The following MGMT variants were observed in gnomAD, a reference collection of about 807,000 sequenced individuals.
MGMT encodes methylated-DNA--protein-cysteine methyltransferase.
In MGMT, 14 loss-of-function variants were observed where a neutral mutation model predicts 15.9. The ratio of observed to expected loss-of-function variants is 0.88; its 90% CI spans 0.58 to 1.37. The LOEUF (loss-of-function observed/expected upper bound fraction) is 1.37, where lower values mean the gene tolerates loss of function less well. MGMT is among the 40% of genes most tolerant of loss of function. The probability of loss-of-function intolerance (pLI) is 0.00; values close to 1 mark genes in which losing one functional copy is unlikely to be tolerated. For synonymous variants in MGMT, 130 were observed against 118.2 expected, an observed-to-expected ratio of 1.10 and a Z score of -0.65; for missense variants, 282 against 268.1, an observed-to-expected ratio of 1.05 and a Z score of -0.36.
intron 2 of MGMT, chr10:129,536,711 T>C (rs1025581126): frequency 5.3e-6 from 1 of 188,340 alleles, no homozygotes; most frequent in Non-Finnish European, 1.1e-5. Flanking sequence ...CTTCGGCATA[T>C]GTCTCTGGAA....
intron 2 of MGMT, among the ~76,000 whole-genome samples, chr10:129,592,803 T>C (rs1341835187): frequency 1.5e-5 from 2 of 136,236 alleles, no homozygotes; most frequent in East Asian, 1.9e-4. Flanking sequence ...AATTAATCCT[T>C]TTTTTTTTTG....
intron 3 of MGMT, among the ~76,000 whole-genome samples, chr10:129,725,665 A>G (rs1036944384): frequency 6.6e-6 from 1 of 152,208 alleles, no homozygotes; most frequent in African/African-American, 2.4e-5. Context: ...AGGTCTGTCC[A>G]TGCTCTGGGC....
At chr10:129,496,623 T>G (rs1845524534) in intron 1 of MGMT, among the ~76,000 whole-genome samples, 1 of 152,124 alleles carries the variant, frequency 6.6e-6, no homozygotes. Context: ...CTCTGGGATT[T>G]CTGTCGCATC....
chr10:129,631,466 G>A (rs1847208963), intron 2 of MGMT, among the ~76,000 whole-genome samples: 1 of 152,166 alleles, frequency 6.6e-6, no homozygotes, highest in Non-Finnish European at 1.5e-5. Flanking sequence ...TGTATGTATG[G>A]TTTTATAATT....
intron 1 of MGMT, among the ~76,000 whole-genome samples, chr10:129,535,659 A>G (rs1362262892): frequency 1.3e-5 from 2 of 152,168 alleles, no homozygotes; most frequent in Non-Finnish European, 2.9e-5. Flanking sequence ...AGACTTGTAC[A>G]TCTCTTTAAA....
chr10:129,708,500 T>G (rs1287463355), intron 3 of MGMT, among the ~76,000 whole-genome samples: 1 of 152,370 alleles, frequency 6.6e-6, no homozygotes, highest in East Asian at 1.9e-4. Flanking sequence ...CAAATAATTT[T>G]ACATTTAATT....
At chr10:129,468,903 CT>C (rs1201375349) in intron 1 of MGMT, among the ~76,000 whole-genome samples, 1 of 152,132 alleles carries the variant, frequency 6.6e-6, no homozygotes, top group Non-Finnish European at 1.5e-5. Context: ...ACAAAAAAAT[CT>C]GTATCAAAAT....
intron 3 of MGMT, among the ~76,000 whole-genome samples, chr10:129,754,536 G>A (rs1252256804): frequency 6.6e-6 from 1 of 152,170 alleles, no homozygotes; most frequent in African/African-American, 2.4e-5. Flanking sequence ...ACCAAAAAGG[G>A]ATGATTCCTC....
intron 3 of MGMT, among the ~76,000 whole-genome samples, chr10:129,729,177 C>T (rs1848467796): frequency 6.6e-6 from 1 of 152,076 alleles, no homozygotes; most frequent in Non-Finnish European, 1.5e-5. Flanking sequence ...CTGAGCTCAT[C>T]CTCTGTAACA....
In MGMT at chr10:129,707,918, C is replaced by CTGCGGTTCTCGGAGGTCCGGAGCCCCTGA. The variant is rs769927494; in HGVS notation, c.153_181dup (p.Gln61ArgfsTer9). ...AGTGCCGTGGAGGTCCCAGCCCCCGCTGCGGTTCTCGGAGGTCCGGAGCCC... is the reference window on the plus strand; with the variant it reads ...AGTGCCGTGGAGGTCCCAGCCCCCGCTGCGGTTCTCGGAGGTCCGGAGCCCCTGATGCGGTTCTCGGAGGTCCGGAGCCC... On this transcript the variant is annotated frameshift_variant, in exon 3 of 5. Transcript: ENST00000651593. LOFTEE classifies it high-confidence loss of function. 1.2e-6 allele frequency: 2 copies of CTGCGGTTCTCGGAGGTCCGGAGCCCCTGA among 1,612,190 alleles called. No individual in the cohort carries two copies. The highest frequency in any genetic ancestry group is 2.2e-5 in the South Asian group (2 of 91,046).
At chr10:129,564,443 TC>T (rs961911086) in intron 2 of MGMT, among the ~76,000 whole-genome samples, 1 of 70,966 alleles carries the variant, frequency 1.4e-5, no homozygotes, top group Non-Finnish European at 2.7e-5. Context: ...TTCCCCTTCT[TC>T]TTCCTCTCTC....
intron 1 of MGMT, among the ~76,000 whole-genome samples, chr10:129,506,683 C>G (rs771462756): frequency 2.0e-5 from 3 of 152,184 alleles, no homozygotes; most frequent in Non-Finnish European, 4.4e-5. Flanking sequence ...ATAATCCGCT[C>G]TATCCGAAAG....
At chr10:129,762,377 G>A (rs937845777) in intron 4 of MGMT, among the ~76,000 whole-genome samples, 1 of 152,126 alleles carries the variant, frequency 6.6e-6, no homozygotes. Context: ...ATTTGCTGTC[G>A]GCATGAGTTT....
chr10:129,601,497 G>C (rs1198434516), intron 2 of MGMT, among the ~76,000 whole-genome samples: 2 of 152,182 alleles, frequency 1.3e-5, no homozygotes, highest in African/African-American at 4.8e-5. Context: ...TCCTGGCAGT[G>C]TGGAGATGAG....
At chr10:129,484,465 T>C (rs1451576385) in intron 1 of MGMT, among the ~76,000 whole-genome samples, 1 of 152,232 alleles carries the variant, frequency 6.6e-6, no homozygotes, top group African/African-American at 2.4e-5. Flanking sequence ...ATGGGCCTTT[T>C]AAAATATCTT....
At chr10:129,563,548 T>C (rs1205779854) in intron 2 of MGMT, among the ~76,000 whole-genome samples, 6 of 152,152 alleles carry the variant, frequency 3.9e-5, no homozygotes, top group Non-Finnish European at 7.4e-5. Flanking sequence ...TCATGAAAAT[T>C]TAATTTTTTA....
intron 2 of MGMT, among the ~76,000 whole-genome samples, chr10:129,699,953 T>A (rs7090323): frequency 0.8 from 120,708 of 150,732 alleles, 48,531 homozygotes; most frequent in African/African-American, 0.89. Flanking sequence ...CAGAAAGTTT[T>A]AAAAAAAAAA....
At chr10:129,687,867 G>T (rs533924295) in intron 2 of MGMT, among the ~76,000 whole-genome samples, 5 of 151,148 alleles carry the variant, frequency 3.3e-5, no homozygotes, top group East Asian at 2.0e-4. Flanking sequence ...CCCACAACAG[G>T]CCCTGGTGTG....
At chr10:129,520,394 C>T (rs539097948) in intron 1 of MGMT, among the ~76,000 whole-genome samples, 25 of 148,462 alleles carry the variant, frequency 1.7e-4, no homozygotes, top group African/African-American at 3.8e-4. Flanking sequence ...AAAGCATCTC[C>T]TTCCATCTCC....
Sources: allele counts gnomAD v4.1 joint callset (sites outside exome capture counted in the v4.1 genomes callset), GRCh38; gene constraint gnomAD v4.1.1; transcripts MANE v1.5; gene names NCBI Gene and HGNC (gene_info 2026-07-23, HGNC 2026-07-21).